Variants in RACGAP1 observed in about 807,000 individuals in gnomAD.
RACGAP1 encodes Rac GTPase activating protein 1.
In RACGAP1, 30 loss-of-function variants were observed where a neutral mutation model predicts 78.1. That is an observed-to-expected ratio of 0.38 (90% CI 0.29 to 0.52). The LOEUF is 0.52. RACGAP1 is among the 20% of genes least tolerant of loss of function. The pLI is 0.82. For missense variants in RACGAP1, 587 were observed against 777.1 expected, an observed-to-expected ratio of 0.76 and a Z score of 2.91; for synonymous variants, 231 against 264.8, an observed-to-expected ratio of 0.87 and a Z score of 1.24.
At position 49,990,381 on chromosome 12, in the gene RACGAP1, T is replaced by TA. The variant is rs764888220; in HGVS notation, c.1824-39dup. ...GAGAATGAACTGGAAAAATATTCTA[T>TA]AAAAAATGGTTGAATAAACAACTAT... On this transcript the variant is annotated intron_variant, in intron 16 of 16. Transcript: ENST00000312377. 7.8e-6 allele frequency: 12 copies of TA among 1,534,712 alleles called. No homozygotes were observed. The East Asian group carries it at 1.8e-4, about 23-fold the overall frequency.
At chr12:49,997,431 C>T (rs763206253) in intron 9 of RACGAP1, among the ~76,000 whole-genome samples, 29 of 151,820 alleles carry the variant, frequency 1.9e-4, no homozygotes, top group East Asian at 3.9e-4. Flanking sequence ...CCCACCACTA[C>T]GCCCAGCTAA....
chr12:49,990,850 A>T, intron 15 of RACGAP1, 58 bp from the exon 16 acceptor site: 4 of 1,372,648 alleles, frequency 2.9e-6, no homozygotes, highest in Admixed American at 1.7e-5. Context: ...ATCTTTTTAG[A>T]TGGCTAGTTT....
intron 1 of RACGAP1, among the ~76,000 whole-genome samples, chr12:50,024,507 A>G (rs1950177708): frequency 6.6e-6 from 1 of 152,150 alleles, no homozygotes; most frequent in African/African-American, 2.4e-5. Flanking sequence ...AATACAAAAG[A>G]TGGGAAGGTG....
chr12:49,997,034 T>A lies in RACGAP1; in HGVS notation c.1044+6A>T, dbSNP rs770119177. 5.3e-6 allele frequency: 8 copies of A among 1,510,428 alleles called. No individual in the cohort carries two copies. The Admixed American group carries it at 1.4e-4, about 26-fold the overall frequency. The allele number at this position is 1,510,428 out of a possible 1,614,324, so 93.6% of individuals were successfully genotyped here. A position where few individuals can be genotyped will look rare whatever the true frequency, so the allele number is the denominator to read the frequency against. On this transcript the variant is annotated splice_donor_region_variant and intron_variant, in intron 10 of 16. Transcript: ENST00000312377. ...ATAAAACAATGACGGCTTGCATAAG[T>A]CATACCTCTCCAATCTTGACAGGTG...
chr12:49,999,004 C>T (rs1380264824), intron 9 of RACGAP1, 137 bp downstream of exon 9: 3 of 1,098,054 alleles, frequency 2.7e-6, no homozygotes, highest in African/African-American at 1.6e-5. Flanking sequence ...CCAATAGTTA[C>T]TTCTGGAGAG....
At chr12:50,014,902 G>A (rs1949566514) in intron 2 of RACGAP1, among the ~76,000 whole-genome samples, 1 of 151,926 alleles carries the variant, frequency 6.6e-6, no homozygotes, top group Non-Finnish European at 1.5e-5. Context: ...AATTAGCCGA[G>A]TGTGGTGGCG....
At chr12:50,012,853 C>T (rs1468469635) in intron 2 of RACGAP1, among the ~76,000 whole-genome samples, 8 of 151,956 alleles carry the variant, frequency 5.3e-5, no homozygotes, top group African/African-American at 1.9e-4. Context: ...CACTTGAGGT[C>T]GGGAGTTCAA....
chr12:50,016,590 A>G, intron 2 of RACGAP1, 41 bp downstream of exon 2: 1 of 1,572,694 alleles, frequency 6.4e-7, no homozygotes, highest in Non-Finnish European at 8.7e-7. Flanking sequence ...CAAATTTGAA[A>G]TCTGTTTTTC....
chr12:50,031,241 C>A (rs1409439260), intron 2 of RACGAP1, among the ~76,000 whole-genome samples: 4 of 151,328 alleles, frequency 2.6e-5, no homozygotes, highest in Admixed American at 1.3e-4. Flanking sequence ...CTTTGGGAGG[C>A]TGAGGCAGGC....
intron 10 of RACGAP1, among the ~76,000 whole-genome samples, chr12:49,995,297 G>A (rs752671891): frequency 6.6e-6 from 1 of 152,048 alleles, no homozygotes; most frequent in African/African-American, 2.4e-5. Flanking sequence ...GTGGTGAGTC[G>A]AGATTGCGCC....
At chr12:50,015,093 T>C (rs1426190412) in intron 2 of RACGAP1, among the ~76,000 whole-genome samples, 1 of 150,160 alleles carries the variant, frequency 6.7e-6, no homozygotes, top group Non-Finnish European at 1.5e-5. Flanking sequence ...TTGCCCAGGC[T>C]GGTCTCAAAC....
chr12:50,018,624 T>G, intron 1 of RACGAP1: 1 of 1,162,098 alleles, frequency 8.6e-7, no homozygotes. Context: ...ATCAGTAGTT[T>G]TAATATAAGG....
chr12:50,017,806 GCAC>G (rs1003279534), intron 1 of RACGAP1, among the ~76,000 whole-genome samples: 5 of 152,104 alleles, frequency 3.3e-5, no homozygotes, highest in Non-Finnish European at 7.4e-5. Flanking sequence ...TTACAAGATT[GCAC>G]CACAAGCTAT....
chr12:50,032,760 C>T (rs1480688719), intron 1 of RACGAP1, among the ~76,000 whole-genome samples: 1 of 152,202 alleles, frequency 6.6e-6, no homozygotes, highest in East Asian at 1.9e-4. Context: ...GTTATTTAAT[C>T]TCCCATGTCC....
chr12:50,002,957 G>C (rs993662222), intron 5 of RACGAP1, among the ~76,000 whole-genome samples: 3 of 151,322 alleles, frequency 2.0e-5, no homozygotes, highest in African/African-American at 7.3e-5. Context: ...CCGGGAGGCG[G>C]AGCTTGCAGT....
intron 2 of RACGAP1, among the ~76,000 whole-genome samples, chr12:50,014,215 T>G (rs1410011474): frequency 1.3e-5 from 2 of 152,228 alleles, no homozygotes; most frequent in Non-Finnish European, 2.9e-5. Flanking sequence ...GAGCAACATT[T>G]ACTAAATTAG....
rs1555178717 is a variant in RACGAP1 at position 50,019,695 on chromosome 12, A to AAAATAAATAAATAAATAAAC, written c.-4-2977_-4-2976insGTTTATTTATTTATTTATTT. 2.1e-5 allele frequency: 3 copies of AAAATAAATAAATAAATAAAC among 140,662 alleles called. No homozygotes were observed. The Admixed American group carries it at 2.2e-4, about 10-fold the overall frequency. 8.7% of individuals were successfully genotyped at this position (140,662 alleles called of 1,614,324 possible). ...GATCATCACAAGACCCCCTTCTCTTAAAATAAATAAATAAATAAATAAATA... is the reference window on the plus strand; with the variant it reads ...GATCATCACAAGACCCCCTTCTCTTAAAATAAATAAATAAATAAACAAATAAATAAATAAATAAATAAATA... On this transcript the variant is annotated intron_variant, in intron 1 of 16. Transcript: ENST00000312377.
At chr12:49,991,474 TATATA>T (rs1298259807) in intron 15 of RACGAP1, among the ~76,000 whole-genome samples, 21 of 33,988 alleles carry the variant, frequency 6.2e-4, no homozygotes, top group Non-Finnish European at 1.4e-3. Context: ...TATATATATA[TATATA>T]TTTTTTTTTT....
chr12:50,014,108 A>G (rs1272488664), intron 2 of RACGAP1, among the ~76,000 whole-genome samples: 1 of 152,222 alleles, frequency 6.6e-6, no homozygotes, highest in Non-Finnish European at 1.5e-5. Context: ...CAAAAAAAAT[A>G]TTGAATGGCA....
Sources: gnomAD v4.1 joint callset for allele counts (sites outside exome capture counted in the v4.1 genomes callset) on GRCh38, gnomAD v4.1.1 for gene constraint, MANE v1.5 for transcripts, NCBI Gene and HGNC (gene_info 2026-07-23, HGNC 2026-07-21) for gene names.